The following TIAM1 variants were observed in gnomAD, a reference collection of about 807,000 sequenced individuals.
TIAM1 encodes the protein rho guanine nucleotide exchange factor TIAM1.
Under a neutral mutation model 163.5 loss-of-function variants are expected in TIAM1, and 65 were observed. The ratio of observed to expected loss-of-function variants is 0.40; its 90% CI spans 0.33 to 0.49. TIAM1 has a LOEUF of 0.49. TIAM1 is among the 20% of genes least tolerant of loss of function. The pLI is 0.77. For synonymous variants in TIAM1, 833 were observed against 810.1 expected, an observed-to-expected ratio of 1.03 and a Z score of -0.48; for missense variants, 1,789 against 2,044.7, an observed-to-expected ratio of 0.87 and a Z score of 2.41.
At chr21:31,383,101 G>A (rs1448527094) in intron 2 of TIAM1, among the ~76,000 whole-genome samples, 5 of 152,036 alleles carry the variant, frequency 3.3e-5, no homozygotes, top group Admixed American at 2.6e-4. Context: ...TTAGCCTGGC[G>A]TGGTGGTGGG....
At chr21:31,273,886 C>T (rs1238969338) in intron 3 of TIAM1, among the ~76,000 whole-genome samples, 2 of 152,178 alleles carry the variant, frequency 1.3e-5, no homozygotes, top group Non-Finnish European at 2.9e-5. Context: ...GCTTGCAATG[C>T]CTGTGCAAGA....
At chr21:31,235,939 A>T (rs2088729148) in intron 6 of TIAM1, among the ~76,000 whole-genome samples, 1 of 152,228 alleles carries the variant, frequency 6.6e-6, no homozygotes, top group African/African-American at 2.4e-5. Flanking sequence ...ATAGTCTCCT[A>T]AGAGGTAGGC....
chr21:31,549,517 T>C (rs892761225), intron 1 of TIAM1, among the ~76,000 whole-genome samples: 8 of 152,216 alleles, frequency 5.3e-5, no homozygotes, highest in Non-Finnish European at 7.3e-5. Flanking sequence ...GATACATTTC[T>C]TCAAAGAAAA....
At chr21:31,139,129 T>C (rs2082734430) in intron 22 of TIAM1, among the ~76,000 whole-genome samples, 4 of 152,230 alleles carry the variant, frequency 2.6e-5, no homozygotes, top group Admixed American at 1.3e-4. Context: ...TGAAGCCATA[T>C]TCCCTTTTAC....
intron 6 of TIAM1, among the ~76,000 whole-genome samples, chr21:31,244,662 T>C (rs572277472): frequency 6.6e-6 from 1 of 152,258 alleles, no homozygotes; most frequent in African/African-American, 2.4e-5. Flanking sequence ...GAGGCAGAGA[T>C]TGCAGGGAGC....
At chr21:31,140,595 A>T (rs2006710) in intron 22 of TIAM1, among the ~76,000 whole-genome samples, 117,108 of 152,190 alleles carry the variant, frequency 0.77, 45,942 homozygotes, top group African/African-American at 0.93. Flanking sequence ...AGGTAAGTGC[A>T]TGTTAATGAC....
intron 2 of TIAM1, among the ~76,000 whole-genome samples, chr21:31,279,892 A>T (rs2073469021): frequency 6.6e-6 from 1 of 152,234 alleles, no homozygotes; most frequent in African/African-American, 2.4e-5. Context: ...CATATGTTAT[A>T]AATTGAATGA....
chr21:31,304,341 C>T (rs767543991), intron 2 of TIAM1, among the ~76,000 whole-genome samples: 5 of 152,084 alleles, frequency 3.3e-5, no homozygotes, highest in Non-Finnish European at 5.9e-5. Flanking sequence ...AAAAAGTAAA[C>T]GACAAAATAA....
chr21:31,216,253 C>G (rs575186801), intron 9 of TIAM1, among the ~76,000 whole-genome samples: 1 of 152,272 alleles, frequency 6.6e-6, no homozygotes, highest in South Asian at 2.1e-4. Flanking sequence ...GGACTAATCT[C>G]TTTTCTAAAA....
At chr21:31,314,145 C>G (rs1376848742) in intron 2 of TIAM1, among the ~76,000 whole-genome samples, 1 of 152,210 alleles carries the variant, frequency 6.6e-6, no homozygotes, top group Non-Finnish European at 1.5e-5. Context: ...TTATCAGGAC[C>G]ATTTCTCACT....
At chr21:31,296,219 T>C (rs1385979326) in intron 2 of TIAM1, among the ~76,000 whole-genome samples, 1 of 152,202 alleles carries the variant, frequency 6.6e-6, no homozygotes, top group Non-Finnish European at 1.5e-5. Context: ...AACATTTCTA[T>C]TTCTGGGGGT....
At chr21:31,404,472 C>T (rs542482235) in intron 2 of TIAM1, among the ~76,000 whole-genome samples, 6 of 148,990 alleles carry the variant, frequency 4.0e-5, no homozygotes. Flanking sequence ...AAATCCTACA[C>T]TAAGTCCTAT....
At chr21:31,392,577 A>G (rs867190726) in intron 2 of TIAM1, among the ~76,000 whole-genome samples, 16,807 of 148,952 alleles carry the variant, frequency 0.11, 975 homozygotes, top group Admixed American at 0.2. Flanking sequence ...TCTCAAAAAA[A>G]AAAAAAAAAA....
At chr21:31,193,800 T>C (rs1343974676) in intron 13 of TIAM1, among the ~76,000 whole-genome samples, 19 of 152,102 alleles carry the variant, frequency 1.2e-4, no homozygotes, top group Admixed American at 7.9e-4. Flanking sequence ...GCCGGCAGTG[T>C]GAATCGGGAA....
At chr21:31,254,832 T>C (rs1296636063) in intron 4 of TIAM1, among the ~76,000 whole-genome samples, 1 of 151,822 alleles carries the variant, frequency 6.6e-6, no homozygotes, top group Non-Finnish European at 1.5e-5. Context: ...AACCTGCAAG[T>C]GCAAGAAAGG....
At chr21:31,196,590 A>G (rs986631729) in intron 12 of TIAM1, among the ~76,000 whole-genome samples, 17 of 151,546 alleles carry the variant, frequency 1.1e-4, no homozygotes, top group African/African-American at 4.1e-4. Context: ...AAAGTGCAGG[A>G]ATTACAGGCA....
chr21:31,552,114 G>T (rs1478200402), intron 1 of TIAM1, among the ~76,000 whole-genome samples: 2 of 136,822 alleles, frequency 1.5e-5, no homozygotes, highest in Admixed American at 1.6e-4. Context: ...CTGGAGTGCA[G>T]TGGCGTGATC....
At chr21:31,256,406 C>T (rs2072099762) in intron 4 of TIAM1, among the ~76,000 whole-genome samples, 1 of 152,082 alleles carries the variant, frequency 6.6e-6, no homozygotes, top group Non-Finnish European at 1.5e-5. Context: ...ATAGATCCAG[C>T]TTGAATACAC....
At chr21:31,274,872 G>A (rs2073221581) in intron 3 of TIAM1, among the ~76,000 whole-genome samples, 1 of 151,946 alleles carries the variant, frequency 6.6e-6, no homozygotes, top group Non-Finnish European at 1.5e-5. Flanking sequence ...ACTTTGAGAG[G>A]CTGAGGCAGG....
Sources: gnomAD v4.1 joint callset for allele counts (sites outside exome capture counted in the v4.1 genomes callset) on GRCh38, gnomAD v4.1.1 for gene constraint, MANE v1.5 for transcripts, NCBI Gene and HGNC (gene_info 2026-07-23, HGNC 2026-07-21) for gene names.